The following ANO2 variants were observed in gnomAD, a reference collection of about 807,000 sequenced individuals.
The protein encoded by ANO2 is anoctamin-2.
A neutral mutation model predicts 124.2 loss-of-function variants in ANO2; 101 were observed. That is an observed-to-expected ratio of 0.81 (90% CI 0.69 to 0.96). ANO2 has a LOEUF of 0.96. ANO2 is among the 40% of genes least tolerant of loss of function. ANO2 has a pLI of 0.00. For synonymous variants in ANO2, 486 were observed against 482.5 expected, an observed-to-expected ratio of 1.01 and a Z score of -0.09; for missense variants, 1,293 against 1,274.5, an observed-to-expected ratio of 1.01 and a Z score of -0.22.
At chr12:5,571,596 C>T (rs1008441677) in intron 23 of ANO2, among the ~76,000 whole-genome samples, 4 of 152,172 alleles carry the variant, frequency 2.6e-5, no homozygotes, top group Non-Finnish European at 5.9e-5. Context: ...TTTCCCACCA[C>T]GGAAGCAGTT....
chr12:5,705,361 C>A (rs1230474279), intron 14 of ANO2, among the ~76,000 whole-genome samples: 1 of 152,148 alleles, frequency 6.6e-6, no homozygotes, highest in African/African-American at 2.4e-5. Context: ...TGAATGCTAT[C>A]CACTTTAAAC....
chr12:5,730,742 G>A (rs1007351328), intron 14 of ANO2, among the ~76,000 whole-genome samples: 5 of 152,170 alleles, frequency 3.3e-5, no homozygotes, highest in African/African-American at 1.2e-4. Context: ...CATTAACAAT[G>A]TTAAAGAAAC....
At chr12:5,715,633 G>C (rs141507603) in intron 14 of ANO2, among the ~76,000 whole-genome samples, 5 of 152,210 alleles carry the variant, frequency 3.3e-5, no homozygotes, top group African/African-American at 4.8e-5. Context: ...AGAGCTCTTG[G>C]ACATGGATTA....
At chr12:5,915,100 T>A (rs892343907) in intron 3 of ANO2, among the ~76,000 whole-genome samples, 1 of 152,130 alleles carries the variant, frequency 6.6e-6, no homozygotes, top group Admixed American at 6.5e-5. Flanking sequence ...AGCCCCCAAC[T>A]CTGACACAAT....
At chr12:5,799,709 G>T in intron 9 of ANO2, 138 bp from the exon 10 acceptor site, 1 of 749,554 alleles carries the variant, frequency 1.3e-6, no homozygotes, top group Non-Finnish European at 2.2e-6. Context: ...AGGGGGAGAT[G>T]TTCAGAATCG....
chr12:5,935,984 T>C (rs143658391), intron 1 of ANO2, among the ~76,000 whole-genome samples: 1,653 of 152,340 alleles, frequency 0.011, 16 homozygotes, highest in Non-Finnish European at 0.015. Context: ...ATTTCCCTAA[T>C]GACCAATAAT....
chr12:5,587,243 G>C (rs557639678), intron 20 of ANO2, among the ~76,000 whole-genome samples: 5 of 152,300 alleles, frequency 3.3e-5, no homozygotes, highest in Admixed American at 1.3e-4. Context: ...TCACAATTTA[G>C]TGAGTATCAT....
rs769827991 is a variant in ANO2, at chr12:5,799,688, A to T, written c.991-117T>A. 3.4e-4 allele frequency: 298 copies of T among 882,672 alleles called. 2 individuals carry two copies. The highest frequency in any genetic ancestry group is 5.1e-4 in the Non-Finnish European group (283 of 553,390). The allele number at this position is 882,672 out of a possible 1,614,324, so 54.7% of individuals were successfully genotyped here. Reference sequence around the variant, plus strand: ...AAAGTCCAGCTTCTAAGAAATTCTCATGAGACATCCAGGGGGAGATGTTCA... The same window carrying T: ...AAAGTCCAGCTTCTAAGAAATTCTCTTGAGACATCCAGGGGGAGATGTTCA... On this transcript the variant is annotated intron_variant, in intron 9 of 24. Transcript: ENST00000682330.
At chr12:5,886,198 TG>T (rs1427895633) in intron 3 of ANO2, among the ~76,000 whole-genome samples, 1 of 152,128 alleles carries the variant, frequency 6.6e-6, no homozygotes, top group Non-Finnish European at 1.5e-5. Flanking sequence ...TAAAGCAGCA[TG>T]GTTCACAATA....
At chr12:5,683,344 G>C (rs896342005) in intron 14 of ANO2, among the ~76,000 whole-genome samples, 2 of 152,196 alleles carry the variant, frequency 1.3e-5, no homozygotes, top group African/African-American at 4.8e-5. Context: ...TGAAGTGGCA[G>C]AGGTCTTTAG....
intron 14 of ANO2, among the ~76,000 whole-genome samples, chr12:5,720,095 AT>A (rs1950165620): frequency 6.6e-6 from 1 of 152,016 alleles, no homozygotes; most frequent in Admixed American, 6.6e-5. Flanking sequence ...GACTGCAATG[AT>A]TTGGACAGTA....
At chr12:5,783,255 G>C (rs1448672836) in intron 10 of ANO2, among the ~76,000 whole-genome samples, 1 of 152,074 alleles carries the variant, frequency 6.6e-6, no homozygotes, top group African/African-American at 2.4e-5. Flanking sequence ...TTTGGCTCAG[G>C]GTTTCATCTT....
chr12:5,621,396 C>T (rs999808443), intron 16 of ANO2, among the ~76,000 whole-genome samples: 24 of 152,150 alleles, frequency 1.6e-4, no homozygotes, highest in African/African-American at 4.1e-4. Flanking sequence ...TAAGGAGGGA[C>T]GTCTTTTTCT....
At chr12:5,711,853 A>G (rs550293109) in intron 14 of ANO2, among the ~76,000 whole-genome samples, 2 of 152,320 alleles carry the variant, frequency 1.3e-5, no homozygotes, top group South Asian at 4.1e-4. Context: ...CTTGAAATCA[A>G]TTAGCCTAAA....
intron 7 of ANO2, among the ~76,000 whole-genome samples, chr12:5,811,228 G>A (rs377752940): frequency 3.9e-5 from 6 of 152,138 alleles, no homozygotes; most frequent in African/African-American, 7.2e-5. Flanking sequence ...CAGTCCACCC[G>A]GCATTGTGCT....
chr12:5,799,439 G>C (rs1952970810), intron 10 of ANO2, 68 bp downstream of exon 10: 2 of 1,354,080 alleles, frequency 1.5e-6, no homozygotes, highest in African/African-American at 2.9e-5. Context: ...AGAGTCAAAA[G>C]GTTTATGATA....
intron 8 of ANO2, among the ~76,000 whole-genome samples, chr12:5,806,445 G>A (rs74427852): frequency 0.038 from 5,796 of 152,282 alleles, 157 homozygotes; most frequent in African/African-American, 0.068. Context: ...GTCCGTAACT[G>A]CAGAACTTAG....
At position 5,885,925 on chromosome 12, in the gene ANO2, G is replaced by A. The variant is rs562867835; in HGVS notation, c.535-31784C>T. On this transcript the variant is annotated intron_variant, in intron 3 of 24. Coordinates refer to ENST00000682330, the MANE Select transcript of ANO2 (RefSeq NM_001364791.2). The stretch of plus-strand genomic sequence containing the variant: ...ATCTCATCTGTCTTCCTGGAGATCT[G>A]CACCACTGCTCTTCTCCATGGGCAT... Among the ~76,000 whole-genome samples, 12 of 151,950 alleles carry A rather than the reference G, an allele frequency of 7.9e-5. No homozygotes were observed. In the South Asian group the frequency reaches 2.5e-3, roughly 32 times the overall value.
upstream of ANO2, among the ~76,000 whole-genome samples, chr12:5,945,906 A>G (rs1339335979): frequency 3.3e-5 from 5 of 152,180 alleles, no homozygotes; most frequent in South Asian, 1.0e-3. Context: ...TAGGAGGGTT[A>G]AGGAAGGTTG....
Sources: gnomAD v4.1 joint callset for allele counts (sites outside exome capture counted in the v4.1 genomes callset) on GRCh38, gnomAD v4.1.1 for gene constraint, MANE v1.5 for transcripts, NCBI Gene and HGNC (gene_info 2026-07-23, HGNC 2026-07-21) for gene names.